The following KANK1 variants were observed in gnomAD, a reference collection of about 807,000 sequenced individuals.
The protein encoded by KANK1 is KN motif and ankyrin repeat domain-containing protein 1.
KANK1 carries 109 observed loss-of-function variants against 106.2 expected under a neutral mutation model. The observed-to-expected ratio is 1.03, with a 90% CI of 0.88 to 1.20. The LOEUF (loss-of-function observed/expected upper bound fraction) is 1.20. KANK1 is among the 50% of genes most tolerant of loss of function. KANK1 has a pLI of 0.00. For synonymous variants in KANK1, 873 were observed against 652.2 expected, an observed-to-expected ratio of 1.34 and a Z score of -5.16; for missense variants, 2,399 against 1,710.7, an observed-to-expected ratio of 1.40 and a Z score of -7.10.
intron 1 of KANK1, among the ~76,000 whole-genome samples, chr9:591,428 C>T (rs1824850744): frequency 6.6e-6 from 1 of 151,750 alleles, no homozygotes; most frequent in Admixed American, 6.6e-5. Context: ...CTCGTCATGG[C>T]ATTCTTGTTA....
chr9:615,972 C>G lies in KANK1; in HGVS notation c.-83-60918C>G, dbSNP rs1418898939. 6.6e-5 allele frequency among the ~76,000 whole-genome samples: 10 copies of G among 152,082 alleles called. No homozygotes were observed. The East Asian group carries it at 1.9e-3, about 29-fold the overall frequency. ...AGCTGTGTTGATGCCATTTGCCTGC[C>G]CAGACAAGCCTCTTGAGGCATGAAA... On this transcript the variant is annotated intron_variant, in intron 1 of 11. Transcript: ENST00000382297.
intron 1 of KANK1, among the ~76,000 whole-genome samples, chr9:560,728 A>G (rs1012986028): frequency 1.3e-5 from 2 of 152,122 alleles, no homozygotes; most frequent in Non-Finnish European, 2.9e-5. Flanking sequence ...ATTTGTGTCT[A>G]TCCCATTGTT....
intron 2 of KANK1, among the ~76,000 whole-genome samples, chr9:699,512 A>T (rs564727330): frequency 6.6e-5 from 10 of 152,182 alleles, no homozygotes; most frequent in Admixed American, 2.6e-4. Flanking sequence ...AATGTCTGTT[A>T]AAAAAGTCCA....
chr9:671,902 C>A lies in KANK1; in HGVS notation c.-83-4988C>A, dbSNP rs10815457. ...GGCGGAGGTTGCAGTGAGCTGAGAT[C>A]GCGCCACTGCACTCCAGCCTGGGCT... On this transcript the variant is annotated intron_variant, in intron 1 of 11. Transcript: ENST00000382297. 7.2e-3 allele frequency among the ~76,000 whole-genome samples: 1,094 copies of A among 151,444 alleles called. 20 individuals carry two copies. Among genetic ancestry groups the A allele is most frequent in the African/African-American group, 0.025 (1,012 of 41,270 alleles).
intron 1 of KANK1, chr9:674,062 C>T (rs1177004272): frequency 6.6e-6 from 1 of 152,042 alleles, no homozygotes; most frequent in East Asian, 1.9e-4. Flanking sequence ...TAGACATTCA[C>T]TCCTATTCTT....
rs1176543976 is a variant in KANK1, at chr9:541,139, AAAAC to A, written c.-84+36387_-84+36390del. On this transcript the variant is annotated intron_variant, in intron 1 of 11. Transcript: ENST00000382297. Reference sequence around the variant, plus strand: ...TTGAAAAACGAAAAAAAAACACAAAAAAACAGAGAGCTGGAGGCATCATGCTACT... The same window carrying A: ...TTGAAAAACGAAAAAAAAACACAAAAAGAGAGCTGGAGGCATCATGCTACT... 2.0e-5 allele frequency among the ~76,000 whole-genome samples: 3 copies of A among 152,190 alleles called. No homozygotes were observed. The East Asian group carries it at 5.8e-4, about 29-fold the overall frequency.
At chr9:537,418 T>C (rs1208388707) in intron 1 of KANK1, among the ~76,000 whole-genome samples, 1 of 152,174 alleles carries the variant, frequency 6.6e-6, no homozygotes, top group Non-Finnish European at 1.5e-5. Flanking sequence ...GATCAAAGCA[T>C]GGATGGGATA....
chr9:679,850 A>G (rs562780037), intron 2 of KANK1, among the ~76,000 whole-genome samples: 1 of 152,192 alleles, frequency 6.6e-6, no homozygotes, highest in African/African-American at 2.4e-5. Context: ...CATGGTTGAG[A>G]ATATGTTAAT....
chr9:681,622 A>G (rs573456507), intron 2 of KANK1, among the ~76,000 whole-genome samples: 12 of 152,328 alleles, frequency 7.9e-5, no homozygotes, highest in Non-Finnish European at 1.5e-4. Flanking sequence ...AACACTTTTT[A>G]AAACACAAAG....
chr9:523,949 G>C (rs1172496088), intron 1 of KANK1, among the ~76,000 whole-genome samples: 1 of 151,640 alleles, frequency 6.6e-6, no homozygotes, highest in East Asian at 1.9e-4. Context: ...TGGTTTGCTG[G>C]TTGGTGGTAC....
intron 3 of KANK1, among the ~76,000 whole-genome samples, chr9:727,803 C>T (rs921011673): frequency 1.3e-5 from 2 of 151,742 alleles, no homozygotes; most frequent in African/African-American, 4.8e-5. Context: ...CCATATATTA[C>T]AAACATTTTT....
At position 586,734 on chromosome 9, in the gene KANK1, G is replaced by C. The variant is rs115774230; in HGVS notation, c.-84+81980G>C. On this transcript the variant is annotated intron_variant, in intron 1 of 11. Transcript: ENST00000382297. ...AGGAGAACAGAACAGAAGGTGGAAA[G>C]CTATGAGGGATCCAGCGCTTTTCTT... is the stretch of plus-strand genomic sequence containing the variant. 8.4e-3 allele frequency among the ~76,000 whole-genome samples: 1,277 copies of C among 152,278 alleles called. 18 individuals carry two copies. The highest frequency in any genetic ancestry group is 0.029 in the African/African-American group (1,225 of 41,554).
chr9:710,634 AAAAAAC>A lies in KANK1; in HGVS notation c.38-164_38-159del, dbSNP rs1564031069. 1.7e-4 allele frequency among the ~76,000 whole-genome samples: 20 copies of A among 115,640 alleles called. 4 individuals carry two copies. Among genetic ancestry groups the A allele is most frequent in the Non-Finnish European group, 1.7e-4 (11 of 63,598 alleles). The allele number at this position is 115,640 out of a possible 152,430, so 75.9% of individuals were successfully genotyped here. ...CTGTCTCAAAAAAAAAAAAAACAAA[AAAAAAC>A]AAAAAAAACTTGCTTACCCAGCTGT... On this transcript the variant is annotated intron_variant, in intron 2 of 11. Transcript: ENST00000382297.
intron 6 of KANK1, chr9:732,843 T>A: frequency 2.5e-6 from 1 of 404,204 alleles, no homozygotes; most frequent in Non-Finnish European, 4.4e-6. Context: ...TCTGAAACCT[T>A]AACTCTGCTA....
chr9:710,339 C>A (rs567887932), intron 2 of KANK1, among the ~76,000 whole-genome samples: 1 of 151,972 alleles, frequency 6.6e-6, no homozygotes, highest in East Asian at 1.9e-4. Flanking sequence ...TTACCCAAGC[C>A]GGGCGCAGTG....
chr9:505,068 G>C (rs1272655976), intron 1 of KANK1, among the ~76,000 whole-genome samples: 1 of 151,934 alleles, frequency 6.6e-6, no homozygotes, highest in Non-Finnish European at 1.5e-5. Context: ...CGCCGGGCAC[G>C]GAGCAGCGAG....
At chr9:502,512 C>G (rs1235059195), upstream of KANK1, among the ~76,000 whole-genome samples, 2 of 149,530 alleles carry the variant, frequency 1.3e-5, no homozygotes, top group East Asian at 3.9e-4. Flanking sequence ...GCTGGGAATT[C>G]TGGGGATGGA....
intron 1 of KANK1, among the ~76,000 whole-genome samples, chr9:579,853 C>A (rs2804274): frequency 0.34 from 51,035 of 152,092 alleles, 11,050 homozygotes; most frequent in South Asian, 0.54. Context: ...GAGGTTGGAC[C>A]TGAAAAACCT....
chr9:684,222 A>T (rs1357169832), intron 2 of KANK1: 1 of 985,282 alleles, frequency 1.0e-6, no homozygotes, highest in African/African-American at 1.7e-5. Context: ...ATCAGATTTC[A>T]GACAGGCGAT....
Sources: gnomAD v4.1 joint callset for allele counts (sites outside exome capture counted in the v4.1 genomes callset) on GRCh38, gnomAD v4.1.1 for gene constraint, MANE v1.5 for transcripts, NCBI Gene and HGNC (gene_info 2026-07-23, HGNC 2026-07-21) for gene names.